ZFPM2: variants seen among roughly 807,000 people sequenced by gnomAD.
ZFPM2 encodes the protein zinc finger protein, FOG family member 2.
In ZFPM2, 20 loss-of-function variants were observed where a neutral mutation model predicts 98.6. That is an observed-to-expected ratio of 0.20 (90% CI 0.14 to 0.29). The LOEUF (loss-of-function observed/expected upper bound fraction) is 0.29, where lower values mean the gene tolerates loss of function less well. ZFPM2 is among the 10% of genes least tolerant of loss of function. ZFPM2 has a pLI of 1.00. For missense variants in ZFPM2, 1,310 were observed against 1,388.6 expected (o/e 0.94, Z 0.90); for synonymous variants, 518 against 502.7 (o/e 1.03, Z -0.41).
At chr8:105,464,511 A>G (rs1812760616) in intron 3 of ZFPM2, among the ~76,000 whole-genome samples, 1 of 152,038 alleles carries the variant, frequency 6.6e-6, no homozygotes, top group Admixed American at 6.6e-5. Flanking sequence ...GAGGGGAAAA[A>G]AGAGAGAGAG....
At chr8:105,456,516 C>T (rs1812596282) in intron 3 of ZFPM2, among the ~76,000 whole-genome samples, 1 of 151,722 alleles carries the variant, frequency 6.6e-6, no homozygotes. Flanking sequence ...TATCATTTAC[C>T]TCTTATTTTT....
chr8:105,760,883 T>C (rs556263470), intron 5 of ZFPM2, among the ~76,000 whole-genome samples: 1 of 152,118 alleles, frequency 6.6e-6, no homozygotes, highest in South Asian at 2.1e-4. Context: ...GCTAGATATT[T>C]TATATGCACA....
chr8:105,717,812 C>T (rs1175809232), intron 5 of ZFPM2, among the ~76,000 whole-genome samples: 1 of 151,706 alleles, frequency 6.6e-6, no homozygotes, highest in African/African-American at 2.4e-5. Flanking sequence ...TGTCACATGC[C>T]TTGTCTTTAT....
At chr8:105,745,324 G>A (rs965796910) in intron 5 of ZFPM2, among the ~76,000 whole-genome samples, 2 of 152,090 alleles carry the variant, frequency 1.3e-5, no homozygotes, top group African/African-American at 4.8e-5. Context: ...GCATCATATA[G>A]AACATCTTGT....
intron 5 of ZFPM2, among the ~76,000 whole-genome samples, chr8:105,699,323 T>C (rs1811089536): frequency 6.6e-6 from 1 of 152,154 alleles, no homozygotes; most frequent in African/African-American, 2.4e-5. Flanking sequence ...AATGGCTAGA[T>C]TTTAAATTGC....
chr8:105,498,183 G>T (rs1813514940), intron 3 of ZFPM2, among the ~76,000 whole-genome samples: 1 of 152,074 alleles, frequency 6.6e-6, no homozygotes, highest in African/African-American at 2.4e-5. Context: ...GGGTGACAGT[G>T]AGACCCCATC....
chr8:105,803,010 A>G lies in ZFPM2; in HGVS notation c.2928A>G (p.Lys976=). 6.2e-7 allele frequency: 1 copy of G among 1,613,090 alleles called. No individual in the cohort carries two copies. The highest frequency in any genetic ancestry group is 8.5e-7 in the Non-Finnish European group (1 of 1,179,528). ...CLYPGAIKKA[K]GADQLSPYYG... ...ACCCTGGAGCAATAAAGAAAGCAAAAGGAGCCGACCAGCTTTCTCCATATT... is the reference window on the plus strand; with the variant it reads ...ACCCTGGAGCAATAAAGAAAGCAAAGGGAGCCGACCAGCTTTCTCCATATT... Residue 976 remains lysine, a synonymous_variant, in exon 8 of 8, where the codon AAA becomes AAG. Coordinates refer to ENST00000407775, the MANE Select transcript of ZFPM2 (RefSeq NM_012082.4).
intron 3 of ZFPM2, among the ~76,000 whole-genome samples, chr8:105,482,729 T>C (rs1163733549): frequency 6.6e-6 from 1 of 152,200 alleles, no homozygotes; most frequent in South Asian, 2.1e-4. Context: ...CCTCCTATTT[T>C]ACATGAATTT....
chr8:105,501,522 GAGACTGAGTCTCACTCTGTCACCC>G (rs1813595960), intron 3 of ZFPM2, among the ~76,000 whole-genome samples: 1 of 130,412 alleles, frequency 7.7e-6, no homozygotes, highest in South Asian at 2.4e-4. Context: ...TTTCTTTTTT[GAGACTGAGTCTCACTCTGTCACCC>G]AGGCTGGAGT....
At chr8:105,618,797 A>G (rs180723329) in intron 4 of ZFPM2, among the ~76,000 whole-genome samples, 1 of 152,280 alleles carries the variant, frequency 6.6e-6, no homozygotes, top group African/African-American at 2.4e-5. Flanking sequence ...TGCAGTATAA[A>G]TTCAATCAGT....
At chr8:105,617,759 C>G (rs1365540118) in intron 4 of ZFPM2, among the ~76,000 whole-genome samples, 1 of 152,082 alleles carries the variant, frequency 6.6e-6, no homozygotes, top group Non-Finnish European at 1.5e-5. Context: ...CGAAAGTCAT[C>G]TTGAATCTCA....
intron 6 of ZFPM2, chr8:105,795,777 A>T (rs28633433): frequency 0.04 from 19,388 of 487,266 alleles, 2,610 homozygotes; most frequent in African/African-American, 0.31. Flanking sequence ...ATATGACACA[A>T]AATCAGTCGT....
intron 5 of ZFPM2, among the ~76,000 whole-genome samples, chr8:105,738,433 T>C (rs1238438526): frequency 6.6e-6 from 1 of 152,066 alleles, no homozygotes; most frequent in Admixed American, 6.6e-5. Flanking sequence ...CATGGACATT[T>C]AGGTTGATTC....
intron 2 of ZFPM2, among the ~76,000 whole-genome samples, chr8:105,432,992 C>T (rs1364747083): frequency 2.0e-5 from 3 of 151,900 alleles, no homozygotes; most frequent in African/African-American, 7.3e-5. Context: ...ATTCTAGCTA[C>T]TTGAGGCTGA....
intron 5 of ZFPM2, among the ~76,000 whole-genome samples, chr8:105,710,733 A>C (rs1386865034): frequency 6.7e-6 from 1 of 149,346 alleles, no homozygotes; most frequent in Non-Finnish European, 1.5e-5. Flanking sequence ...ATGTGTGTGC[A>C]GTGGTTATTA....
chr8:105,726,639 T>G (rs1811813953), intron 5 of ZFPM2, among the ~76,000 whole-genome samples: 1 of 151,736 alleles, frequency 6.6e-6, no homozygotes, highest in Admixed American at 6.6e-5. Flanking sequence ...TAATCCCTAG[T>G]CATAAATGAG....
At chr8:105,384,604 A>G (rs1347191773) in intron 1 of ZFPM2, among the ~76,000 whole-genome samples, 2 of 152,056 alleles carry the variant, frequency 1.3e-5, no homozygotes, top group African/African-American at 2.4e-5. Context: ...ACTGATCTCC[A>G]TGTACCCTAG....
intron 5 of ZFPM2, among the ~76,000 whole-genome samples, chr8:105,658,888 T>G (rs1185170105): frequency 1.3e-5 from 2 of 152,128 alleles, no homozygotes; most frequent in Non-Finnish European, 2.9e-5. Context: ...CATTATTATA[T>G]CAGTTAATAG....
intron 4 of ZFPM2, among the ~76,000 whole-genome samples, chr8:105,562,314 TAATA>T (rs35570669): frequency 9.4e-4 from 139 of 147,824 alleles, no homozygotes; most frequent in Middle Eastern, 3.4e-3. Context: ...CATCTCAAAA[TAATA>T]AATAAATAAA....
Sources: allele counts gnomAD v4.1 joint callset (sites outside exome capture counted in the v4.1 genomes callset), GRCh38; gene constraint gnomAD v4.1.1; transcripts MANE v1.5; gene names NCBI Gene and HGNC (gene_info 2026-07-23, HGNC 2026-07-21).